The following TLK1 variants were observed in gnomAD, a reference collection of about 807,000 sequenced individuals.
TLK1 encodes serine/threonine-protein kinase tousled-like 1.
In TLK1, 24 loss-of-function variants were observed where a neutral mutation model predicts 105.3. The ratio of observed to expected loss-of-function variants is 0.23; its 90% CI spans 0.17 to 0.32. The LOEUF (loss-of-function observed/expected upper bound fraction) is 0.32, where lower values mean the gene tolerates loss of function less well. Ranked by LOEUF, TLK1 falls within the 10% of genes least tolerant of loss-of-function variation. The pLI is 1.00. For synonymous variants in TLK1, 321 were observed against 310.4 expected, an observed-to-expected ratio of 1.03 and a Z score of -0.36; for missense variants, 558 against 910.5, an observed-to-expected ratio of 0.61 and a Z score of 4.98.
intron 1 of TLK1, among the ~76,000 whole-genome samples, chr2:171,149,163 G>A (rs1339052966): frequency 5.4e-4 from 46 of 85,834 alleles, no homozygotes; most frequent in Non-Finnish European, 8.3e-4. Context: ...TAAATAAATT[G>A]TATTTCTCTC....
At chr2:171,190,596 CAAACA>C (rs1180326908) in intron 1 of TLK1, among the ~76,000 whole-genome samples, 1 of 152,106 alleles carries the variant, frequency 6.6e-6, no homozygotes, top group African/African-American at 2.4e-5. Flanking sequence ...ATTTAAAAAA[CAAACA>C]AAACAAATTT....
chr2:171,078,040 C>G (rs1334258234), intron 3 of TLK1, among the ~76,000 whole-genome samples: 2 of 152,148 alleles, frequency 1.3e-5, no homozygotes, highest in Non-Finnish European at 2.9e-5. Context: ...GCCAAAGACC[C>G]CTAGGTCTTC....
intron 1 of TLK1, among the ~76,000 whole-genome samples, chr2:171,126,164 T>G (rs1332070734): frequency 6.6e-6 from 1 of 152,152 alleles, no homozygotes; most frequent in Non-Finnish European, 1.5e-5. Flanking sequence ...CTATCCTGTT[T>G]CCCAAAATTT....
intron 11 of TLK1, among the ~76,000 whole-genome samples, chr2:171,040,409 A>G (rs1686605406): frequency 6.6e-6 from 1 of 152,176 alleles, no homozygotes; most frequent in African/African-American, 2.4e-5. Context: ...AAGAGAATGT[A>G]TCCGTGTGGG....
chr2:171,071,341 G>C (rs1688245786), intron 3 of TLK1, among the ~76,000 whole-genome samples: 1 of 151,796 alleles, frequency 6.6e-6, no homozygotes, highest in South Asian at 2.1e-4. Context: ...AGGCTGGAGT[G>C]CAGTGGCGTG....
At chr2:171,218,685 G>C (rs531184614) in intron 1 of TLK1, among the ~76,000 whole-genome samples, 2 of 152,212 alleles carry the variant, frequency 1.3e-5, no homozygotes, top group South Asian at 4.1e-4. Flanking sequence ...CCTCTGGGGG[G>C]ACTAACCCTC....
chr2:171,117,656 G>T, intron 2 of TLK1, 83 bp downstream of exon 2: 1 of 1,079,826 alleles, frequency 9.3e-7, no homozygotes, highest in Non-Finnish European at 1.4e-6. Context: ...TGTTAAGCAC[G>T]TTATGTAGGA....
chr2:171,194,660 A>G (rs113550479), intron 1 of TLK1, among the ~76,000 whole-genome samples: 17,062 of 151,320 alleles, frequency 0.11, 1,472 homozygotes, highest in African/African-American at 0.25. Flanking sequence ...TACTAAAAAT[A>G]CAAAAAATTA....
At chr2:171,016,791 T>C (rs532378416) in intron 12 of TLK1, among the ~76,000 whole-genome samples, 1 of 152,344 alleles carries the variant, frequency 6.6e-6, no homozygotes, top group South Asian at 2.1e-4. Flanking sequence ...GATTATGTTG[T>C]TTGTACTTCA....
intron 1 of TLK1, among the ~76,000 whole-genome samples, chr2:171,175,344 C>T (rs1692801329): frequency 6.6e-6 from 1 of 152,090 alleles, no homozygotes; most frequent in East Asian, 1.9e-4. Flanking sequence ...GCATTCTATG[C>T]TGAACATGTA....
At chr2:171,002,042 G>A (rs1684403500) in intron 18 of TLK1, among the ~76,000 whole-genome samples, 1 of 152,116 alleles carries the variant, frequency 6.6e-6, no homozygotes, top group Non-Finnish European at 1.5e-5. Flanking sequence ...CTCACAAAGT[G>A]CTGAGATTAC....
At chr2:171,072,982 ATT>A (rs1688331635) in intron 3 of TLK1, among the ~76,000 whole-genome samples, 1 of 151,308 alleles carries the variant, frequency 6.6e-6, no homozygotes, top group Non-Finnish European at 1.5e-5. Flanking sequence ...ATTTATAGCT[ATT>A]GCAAATGGGA....
chr2:171,079,441 T>C (rs1334469504), intron 3 of TLK1, among the ~76,000 whole-genome samples: 1 of 152,236 alleles, frequency 6.6e-6, no homozygotes, highest in African/African-American at 2.4e-5. Flanking sequence ...ACTGATTTCA[T>C]TTGAAGGCAG....
intron 2 of TLK1, among the ~76,000 whole-genome samples, chr2:171,088,441 C>A (rs1256586647): frequency 6.6e-6 from 1 of 152,190 alleles, no homozygotes; most frequent in African/African-American, 2.4e-5. Context: ...AGTCCAATAT[C>A]ACTCAAAAAA....
rs1434893725 is a variant in TLK1 at position 170,993,025 on chromosome 2, C to T, written c.*755G>A. ...GAAAAATACCTGTTATCAATTCTAA[C>T]GTGTTGAAAACACTGGCAATATTAT... On this transcript the variant is annotated 3_prime_UTR_variant, in exon 21 of 21. Transcript: ENST00000431350. 3 of 152,600 alleles carry T rather than the reference C, an allele frequency of 2.0e-5. No homozygotes were observed. Among genetic ancestry groups the T allele is most frequent in the Admixed American group, 1.3e-4 (2 of 15,274 alleles). 9.5% of individuals were successfully genotyped at this position (152,600 alleles called of 1,614,324 possible). A position where few individuals can be genotyped will look rare whatever the true frequency, so the allele number is the denominator to read the frequency against.
intron 1 of TLK1, among the ~76,000 whole-genome samples, chr2:171,141,730 C>A (rs1419134260): frequency 2.0e-5 from 3 of 150,952 alleles, no homozygotes; most frequent in African/African-American, 4.9e-5. Flanking sequence ...TCCCTCCCCC[C>A]AAAAAAATCC....
chr2:171,015,415 AACACACACACACACACACACACACAC>A (rs56238853), intron 12 of TLK1, among the ~76,000 whole-genome samples: 9 of 132,694 alleles, frequency 6.8e-5, no homozygotes, highest in East Asian at 2.3e-4. Flanking sequence ...TTGGAGTACA[AACACACACACACACACACACACACAC>A]ACACACACAC....
At chr2:170,994,006 A>C in intron 20 of TLK1, 50 bp from the exon 21 acceptor site, 1 of 1,515,870 alleles carries the variant, frequency 6.6e-7, no homozygotes, top group Non-Finnish European at 8.9e-7. Context: ...TTTCCCTTCT[A>C]AATATCAATC....
chr2:171,149,947 C>T (rs576406414), intron 1 of TLK1, among the ~76,000 whole-genome samples: 3 of 151,506 alleles, frequency 2.0e-5, no homozygotes, highest in Non-Finnish European at 4.4e-5. Flanking sequence ...AAAGAACAAA[C>T]GAACGAACGA....
Sources: allele counts gnomAD v4.1 joint callset (sites outside exome capture counted in the v4.1 genomes callset), GRCh38; gene constraint gnomAD v4.1.1; transcripts MANE v1.5; gene names NCBI Gene and HGNC (gene_info 2026-07-23, HGNC 2026-07-21).